The following PCDH9 variants were observed in gnomAD, a reference collection of about 807,000 sequenced individuals.
PCDH9 encodes the protein protocadherin 9, also known as protocadherin-9.
A neutral mutation model predicts 70.6 loss-of-function variants in PCDH9; 24 were observed. The observed-to-expected ratio is 0.34, with a 90% CI of 0.25 to 0.48. The LOEUF is 0.48. Ranked by LOEUF, PCDH9 falls within the 20% of genes least tolerant of loss-of-function variation. The pLI is 0.99. For synonymous variants in PCDH9, 562 were observed against 558.5 expected (o/e 1.01, Z -0.09); for missense variants, 1,281 against 1,503.6 (o/e 0.85, Z 2.45).
At chr13:67,066,252 A>T (rs1015585147) in intron 2 of PCDH9, among the ~76,000 whole-genome samples, 12 of 150,058 alleles carry the variant, frequency 8.0e-5, no homozygotes, top group Non-Finnish European at 1.2e-4. Context: ...TTTTTTTTTT[A>T]GACAGAGTTT....
chr13:66,307,723 C>A (rs949159122), intron 4 of PCDH9, among the ~76,000 whole-genome samples: 2 of 151,886 alleles, frequency 1.3e-5, no homozygotes, highest in Non-Finnish European at 2.9e-5. Context: ...TTTTATTGAG[C>A]TCATCAAAAA....
rs1401143571 is a variant in PCDH9, at chr13:67,227,015, G to A, written c.1426C>T (p.Leu476=). 1 of 1,614,170 alleles carries A rather than the reference G, an allele frequency of 6.2e-7. No individual in the cohort carries two copies. The highest frequency in any genetic ancestry group is 2.2e-5 in the East Asian group (1 of 44,886). The stretch of plus-strand genomic sequence containing the variant: ...CGTCGGTTGTTTTCAGAAACTGACA[G>A]CTCAATTACAGGCTGGTTGAAAATT... ...PPIFNQPVIE[L]SVSENNRRGL... is the part of the protein sequence containing the mutation. The change falls in exon 2 of 5, where the codon CTG becomes TTG. Residue 476 remains leucine, a synonymous_variant. Transcript: ENST00000377865. The surrounding 1 kb of genome is among the most constrained non-coding windows in gnomAD (Gnocchi z 4.6).
intron 2 of PCDH9, among the ~76,000 whole-genome samples, chr13:67,070,662 T>C (rs2085744064): frequency 6.6e-6 from 1 of 152,176 alleles, no homozygotes; most frequent in Non-Finnish European, 1.5e-5. Context: ...TCTAGAATCA[T>C]TAGATTCAGT....
At chr13:66,818,944 CAAAAAACAAAAAACA>C (rs890005099) in intron 3 of PCDH9, among the ~76,000 whole-genome samples, 1 of 149,844 alleles carries the variant, frequency 6.7e-6, no homozygotes, top group African/African-American at 2.5e-5. Flanking sequence ...CAAAAAAAAA[CAAAAAACAAAAAACA>C]AAAAAACAAA....
intron 2 of PCDH9, among the ~76,000 whole-genome samples, chr13:67,087,424 A>G (rs953640357): frequency 6.6e-6 from 1 of 152,186 alleles, no homozygotes; most frequent in African/African-American, 2.4e-5. Context: ...TCTAATCTAC[A>G]GAAAGGTTTA....
At chr13:67,092,351 G>C (rs2086234576) in intron 2 of PCDH9, among the ~76,000 whole-genome samples, 1 of 151,994 alleles carries the variant, frequency 6.6e-6, no homozygotes, top group South Asian at 2.1e-4. Context: ...TAAATTAATA[G>C]CACTCAATAT....
chr13:66,340,764 C>A (rs1447549878), intron 4 of PCDH9, among the ~76,000 whole-genome samples: 1 of 152,162 alleles, frequency 6.6e-6, no homozygotes, highest in Non-Finnish European at 1.5e-5. Context: ...AGATCGCCTA[C>A]CTGTGTGATG....
chr13:67,053,346 CA>C (rs1312032775), intron 2 of PCDH9, among the ~76,000 whole-genome samples: 1 of 152,006 alleles, frequency 6.6e-6, no homozygotes, highest in Non-Finnish European at 1.5e-5. Flanking sequence ...ATGAAAGCCA[CA>C]AATAGCACAG....
intron 2 of PCDH9, among the ~76,000 whole-genome samples, chr13:67,113,602 C>CA (rs2086699700): frequency 1.3e-5 from 2 of 151,698 alleles, no homozygotes; most frequent in Non-Finnish European, 2.9e-5. Flanking sequence ...GGCTGGAGTG[C>CA]GGTGGCGCCA....
intron 2 of PCDH9, among the ~76,000 whole-genome samples, chr13:67,082,859 T>C (rs556661672): frequency 3.0e-4 from 46 of 152,304 alleles, no homozygotes; most frequent in African/African-American, 1.1e-3. Flanking sequence ...GACCAAATAA[T>C]TTTTCTGTTA....
chr13:67,207,498 C>A (rs889271805), intron 2 of PCDH9: 1 of 152,180 alleles, frequency 6.6e-6, no homozygotes, highest in African/African-American at 2.4e-5. Context: ...CTGAGAGGAA[C>A]TTCACGCACA....
At chr13:66,366,616 G>T (rs1449040063) in intron 4 of PCDH9, among the ~76,000 whole-genome samples, 3 of 151,790 alleles carry the variant, frequency 2.0e-5, no homozygotes, top group Non-Finnish European at 4.4e-5. Context: ...TAAGTAAATT[G>T]CACTCTAAGT....
At chr13:67,013,571 C>G (rs975974731) in intron 2 of PCDH9, among the ~76,000 whole-genome samples, 1 of 151,836 alleles carries the variant, frequency 6.6e-6, no homozygotes, top group Non-Finnish European at 1.5e-5. Flanking sequence ...AATTATAACA[C>G]AATGCTTTAT....
chr13:67,010,422 T>C (rs1226174141), intron 2 of PCDH9, among the ~76,000 whole-genome samples: 1 of 151,958 alleles, frequency 6.6e-6, no homozygotes, highest in African/African-American at 2.4e-5. Context: ...CTCTATTGCC[T>C]ATAAAAGCCT....
intron 2 of PCDH9, among the ~76,000 whole-genome samples, chr13:67,171,902 G>A (rs1401967990): frequency 1.3e-5 from 2 of 152,074 alleles, no homozygotes; most frequent in African/African-American, 4.8e-5. Flanking sequence ...TTCCCTAAAG[G>A]GCCTTACTGC....
At chr13:66,390,265 C>A (rs1956994124) in intron 4 of PCDH9, among the ~76,000 whole-genome samples, 1 of 152,120 alleles carries the variant, frequency 6.6e-6, no homozygotes, top group African/African-American at 2.4e-5. Flanking sequence ...TCTGAGAGAT[C>A]AATGTGGACT....
chr13:66,624,500 T>C (rs796217149), intron 4 of PCDH9, among the ~76,000 whole-genome samples: 6 of 152,248 alleles, frequency 3.9e-5, no homozygotes, highest in African/African-American at 1.4e-4. Flanking sequence ...AGACACTATC[T>C]ATTTGGTTGC....
At chr13:66,982,427 T>C (rs1343870157) in intron 2 of PCDH9, among the ~76,000 whole-genome samples, 1 of 152,204 alleles carries the variant, frequency 6.6e-6, no homozygotes, top group African/African-American at 2.4e-5. Context: ...AAGTCATAAT[T>C]ACACCAAGTA....
intron 3 of PCDH9, among the ~76,000 whole-genome samples, chr13:66,863,531 C>A (rs1594169372): frequency 6.6e-6 from 1 of 152,090 alleles, no homozygotes; most frequent in Admixed American, 6.5e-5. Context: ...CTGTCGCCCA[C>A]CTGGAGTGCA....
Sources: allele counts gnomAD v4.1 joint callset (sites outside exome capture counted in the v4.1 genomes callset), GRCh38; gene constraint gnomAD v4.1.1; non-coding constraint Gnocchi (gnomAD v3.1); transcripts MANE v1.5; gene names NCBI Gene and HGNC (gene_info 2026-07-23, HGNC 2026-07-21).